Variants in MYT1L observed in about 807,000 individuals in gnomAD.
The protein encoded by MYT1L is myelin transcription factor 1-like protein.
In MYT1L, 12 loss-of-function variants were observed where a neutral mutation model predicts 126.7. The ratio of observed to expected loss-of-function variants is 0.09; its 90% confidence interval spans 0.06 to 0.15. MYT1L has a LOEUF of 0.15. Among genes scored for constraint, MYT1L ranks in the 10% least tolerant of loss-of-function variants. The pLI is 1.00. For missense variants in MYT1L, 979 were observed against 1,585.2 expected (o/e 0.62, Z 6.49); for synonymous variants, 541 against 604.2 (o/e 0.90, Z 1.53).
chr2:1,937,148 T>C (rs990060978), intron 9 of MYT1L, among the ~76,000 whole-genome samples: 1 of 152,198 alleles, frequency 6.6e-6, no homozygotes, highest in Non-Finnish European at 1.5e-5. Context: ...CACAGCTGGC[T>C]GAAGAGTCAG....
chr2:2,055,924 T>C (rs2069480332), intron 3 of MYT1L, among the ~76,000 whole-genome samples: 1 of 152,220 alleles, frequency 6.6e-6, no homozygotes, highest in Admixed American at 6.5e-5. Flanking sequence ...TATTCTTCAG[T>C]GTTCACAAAA....
chr2:2,101,452 ACCAC>A lies in MYT1L; in HGVS notation c.-303-47333_-303-47330del, dbSNP rs550777336. Among the ~76,000 whole-genome samples, 10 of 152,176 alleles carry A rather than the reference ACCAC, an allele frequency of 6.6e-5. No homozygotes were observed. The East Asian group carries it at 1.5e-3, about 24-fold the overall frequency. Reference sequence around the variant, plus strand: ...AGGCATTAAATCCACTCATCAATCTACCACCCACCCACCCACCAATCTATCCATT... The same window carrying A: ...AGGCATTAAATCCACTCATCAATCTACCACCCACCCACCAATCTATCCATT... On this transcript the variant is annotated intron_variant, in intron 3 of 24. Coordinates refer to ENST00000647738, the MANE Select transcript of MYT1L (RefSeq NM_001303052.2).
chr2:2,328,295 C>T (rs926086924), intron 1 of MYT1L, among the ~76,000 whole-genome samples: 1 of 151,708 alleles, frequency 6.6e-6, no homozygotes, highest in South Asian at 2.1e-4. Context: ...GAGTAAGGTA[C>T]AAAATAGAAA....
At chr2:2,111,777 C>T (rs571424987) in intron 3 of MYT1L, among the ~76,000 whole-genome samples, 224 of 152,284 alleles carry the variant, frequency 1.5e-3, no homozygotes, top group Non-Finnish European at 2.2e-3. Flanking sequence ...AAAAAAAGGA[C>T]GAAGACAAGA....
intron 14 of MYT1L, 138 bp from the exon 15 acceptor site, chr2:1,892,425 G>T: frequency 8.5e-7 from 1 of 1,182,082 alleles, no homozygotes; most frequent in South Asian, 1.7e-5. Flanking sequence ...GGGCTTACGC[G>T]TAAAGAAAAC....
chr2:2,119,237 A>G lies in MYT1L; in HGVS notation c.-304+53635T>C, dbSNP rs146494727. Among the ~76,000 whole-genome samples the G allele has an allele frequency of 1.4e-4, 22 of 152,380 alleles. No individual in the cohort carries two copies. In the East Asian group the frequency reaches 4.2e-3, roughly 29 times the overall value. Reference sequence around the variant, plus strand: ...AGGACAACCTGTTAGGCAATTTGCTAGGAATAAATAACACTTGTAATAATA... The same window carrying G: ...AGGACAACCTGTTAGGCAATTTGCTGGGAATAAATAACACTTGTAATAATA... On this transcript the variant is annotated intron_variant, in intron 3 of 24. Transcript: ENST00000647738.
At chr2:2,299,368 G>C (rs892232396) in intron 1 of MYT1L, among the ~76,000 whole-genome samples, 4 of 152,250 alleles carry the variant, frequency 2.6e-5, no homozygotes, top group Non-Finnish European at 5.9e-5. Context: ...AGAGGTCACT[G>C]GAGAGCCCCA....
chr2:1,995,707 G>A (rs537914757), intron 5 of MYT1L, among the ~76,000 whole-genome samples: 3 of 152,190 alleles, frequency 2.0e-5, no homozygotes, highest in South Asian at 2.1e-4. Context: ...GGTGATGGGC[G>A]TGGGACCAGC....
At chr2:2,169,261 C>T (rs1259712336) in intron 3 of MYT1L, among the ~76,000 whole-genome samples, 1 of 152,180 alleles carries the variant, frequency 6.6e-6, no homozygotes, top group Non-Finnish European at 1.5e-5. Flanking sequence ...GCTCCTTGGG[C>T]AGTGTGGTAG....
intron 1 of MYT1L, among the ~76,000 whole-genome samples, chr2:2,310,322 A>G (rs1017239767): frequency 6.6e-6 from 1 of 151,958 alleles, no homozygotes; most frequent in Admixed American, 6.6e-5. Flanking sequence ...TACTCCACTT[A>G]TACTTTAGTA....
chr2:1,919,543 G>A (rs760165161), intron 10 of MYT1L, among the ~76,000 whole-genome samples: 29 of 152,238 alleles, frequency 1.9e-4, no homozygotes, highest in East Asian at 3.9e-4. Context: ...AATGTTACTC[G>A]TTGATAATTT....
intron 14 of MYT1L, among the ~76,000 whole-genome samples, chr2:1,902,047 T>C (rs539621659): frequency 1.3e-5 from 2 of 152,302 alleles, no homozygotes; most frequent in African/African-American, 2.4e-5. Context: ...TGATAAGACT[T>C]CTAAATCATC....
At chr2:2,175,662 C>A (rs1312871015) in intron 2 of MYT1L, among the ~76,000 whole-genome samples, 7 of 152,200 alleles carry the variant, frequency 4.6e-5, no homozygotes, top group Admixed American at 4.6e-4. Context: ...GATGCCCGAG[C>A]CTGGTTTTAC....
At chr2:1,986,051 A>G (rs2060992819) in intron 5 of MYT1L, among the ~76,000 whole-genome samples, 1 of 152,242 alleles carries the variant, frequency 6.6e-6, no homozygotes, top group African/African-American at 2.4e-5. Context: ...ATAGGATCCT[A>G]TCTTTCAGGC....
intron 21 of MYT1L, among the ~76,000 whole-genome samples, chr2:1,818,662 C>T (rs12614408): frequency 0.23 from 35,228 of 151,840 alleles, 4,408 homozygotes; most frequent in East Asian, 0.58. Flanking sequence ...TCCTGTGGTT[C>T]GCTTCCCGGA....
intron 2 of MYT1L, among the ~76,000 whole-genome samples, chr2:2,232,632 A>T (rs1376112289): frequency 6.6e-6 from 1 of 152,254 alleles, no homozygotes; most frequent in East Asian, 1.9e-4. Flanking sequence ...AGGAAAACTC[A>T]TTCATTTCTT....
intron 3 of MYT1L, among the ~76,000 whole-genome samples, chr2:2,167,621 C>A (rs890366786): frequency 6.6e-5 from 10 of 152,236 alleles, no homozygotes; most frequent in Non-Finnish European, 1.5e-4. Flanking sequence ...CGCTCCCAAA[C>A]CTCTGGCCTT....
chr2:1,834,711 T>C (rs929614622), intron 21 of MYT1L, among the ~76,000 whole-genome samples: 3 of 152,190 alleles, frequency 2.0e-5, no homozygotes, highest in Non-Finnish European at 4.4e-5. Context: ...ATGGAGACAG[T>C]GTTTCAATGG....
At chr2:2,211,906 C>T (rs1321623810) in intron 2 of MYT1L, among the ~76,000 whole-genome samples, 2 of 151,692 alleles carry the variant, frequency 1.3e-5, no homozygotes, top group African/African-American at 2.4e-5. Flanking sequence ...CACAGTCATC[C>T]CATTTCATTA....
Sources: allele counts gnomAD v4.1 joint callset (sites outside exome capture counted in the v4.1 genomes callset), GRCh38; gene constraint gnomAD v4.1.1; transcripts MANE v1.5; gene names NCBI Gene and HGNC (gene_info 2026-07-23, HGNC 2026-07-21).